The following MLLT3 variants were observed in gnomAD, a reference collection of about 807,000 sequenced individuals.
MLLT3 encodes protein AF-9.
A neutral mutation model predicts 53.2 loss-of-function variants in MLLT3; 4 were observed. The ratio of observed to expected loss-of-function variants is 0.08; its 90% confidence interval spans 0.04 to 0.17. MLLT3 has a LOEUF of 0.17. Among genes scored for constraint, MLLT3 ranks in the 10% least tolerant of loss-of-function variants. The pLI, the probability that MLLT3 is intolerant of heterozygous loss-of-function variation, is 1.00. For missense variants in MLLT3, 569 were observed against 684.0 expected, an observed-to-expected ratio of 0.83 and a Z score of 1.87; for synonymous variants, 283 against 230.6, an observed-to-expected ratio of 1.23 and a Z score of -2.06.
intron 2 of MLLT3, among the ~76,000 whole-genome samples, chr9:20,608,247 C>T (rs1229302960): frequency 6.6e-6 from 1 of 151,804 alleles, no homozygotes; most frequent in Non-Finnish European, 1.5e-5. Flanking sequence ...TATATCTAAG[C>T]AACATGATGA....
chr9:20,557,906 G>C (rs754112860), intron 2 of MLLT3, among the ~76,000 whole-genome samples: 1 of 152,144 alleles, frequency 6.6e-6, no homozygotes, highest in Non-Finnish European at 1.5e-5. Flanking sequence ...CTTGAATCAA[G>C]AGACAATACA....
intron 2 of MLLT3, among the ~76,000 whole-genome samples, chr9:20,562,849 T>A (rs1819250233): frequency 6.6e-6 from 1 of 152,296 alleles, no homozygotes; most frequent in East Asian, 1.9e-4. Context: ...ATACAGTAGT[T>A]AAGACTGGCT....
intron 10 of MLLT3, among the ~76,000 whole-genome samples, chr9:20,348,662 C>T (rs150646853): frequency 1.3e-5 from 2 of 152,288 alleles, no homozygotes; most frequent in Non-Finnish European, 2.9e-5. Flanking sequence ...CTGTTACATG[C>T]ATCAAGAAAT....
chr9:20,470,646 G>A (rs1045965042), intron 2 of MLLT3, among the ~76,000 whole-genome samples: 2 of 151,946 alleles, frequency 1.3e-5, no homozygotes, highest in Non-Finnish European at 2.9e-5. Context: ...AATGCTGGTA[G>A]ATAAATTCCA....
At chr9:20,501,720 C>T (rs1243195697) in intron 2 of MLLT3, among the ~76,000 whole-genome samples, 3 of 143,812 alleles carry the variant, frequency 2.1e-5, no homozygotes, top group African/African-American at 5.2e-5. Context: ...CACTGCAGTC[C>T]GCAGTCCGGC....
intron 2 of MLLT3, among the ~76,000 whole-genome samples, chr9:20,465,340 G>C (rs192970904): frequency 6.6e-6 from 1 of 152,184 alleles, no homozygotes; most frequent in East Asian, 1.9e-4. Context: ...TGAAATAGAT[G>C]GGTGTTGTTC....
intron 7 of MLLT3, among the ~76,000 whole-genome samples, chr9:20,362,446 G>A (rs1421856714): frequency 1.3e-5 from 2 of 152,082 alleles, no homozygotes; most frequent in East Asian, 3.8e-4. Context: ...TTCCCTATCA[G>A]TTTCCTTTTT....
intron 2 of MLLT3, among the ~76,000 whole-genome samples, chr9:20,574,850 A>G (rs1255314616): frequency 6.6e-6 from 1 of 152,242 alleles, no homozygotes; most frequent in Non-Finnish European, 1.5e-5. Context: ...TTACCACAGT[A>G]GAACTTCATT....
At chr9:20,541,783 G>C (rs1818637768) in intron 2 of MLLT3, among the ~76,000 whole-genome samples, 1 of 152,152 alleles carries the variant, frequency 6.6e-6, no homozygotes, top group East Asian at 1.9e-4. Context: ...ATCTGTTCAA[G>C]TTTTATCATG....
chr9:20,373,480 T>C (rs1821672264), intron 5 of MLLT3, among the ~76,000 whole-genome samples: 1 of 152,226 alleles, frequency 6.6e-6, no homozygotes, highest in Non-Finnish European at 1.5e-5. Context: ...CTGCATAAGC[T>C]GGCACTGATC....
intron 2 of MLLT3, among the ~76,000 whole-genome samples, chr9:20,494,002 T>C (rs12156508): frequency 0.22 from 32,884 of 152,036 alleles, 3,671 homozygotes; most frequent in Middle Eastern, 0.31. Context: ...CCATCTGAAA[T>C]GCAGATGAAA....
intron 2 of MLLT3, among the ~76,000 whole-genome samples, chr9:20,611,996 C>T (rs1247981311): frequency 6.6e-6 from 1 of 152,064 alleles, no homozygotes; most frequent in Non-Finnish European, 1.5e-5. Flanking sequence ...TTGATTTTGT[C>T]TGAAAGTAGC....
chr9:20,561,029 T>A (rs1467231187), intron 2 of MLLT3, among the ~76,000 whole-genome samples: 1 of 152,194 alleles, frequency 6.6e-6, no homozygotes, highest in Non-Finnish European at 1.5e-5. Context: ...TACTGTTAAA[T>A]GTTATAACTG....
chr9:20,508,379 T>G (rs374923598), intron 2 of MLLT3, among the ~76,000 whole-genome samples: 3 of 152,282 alleles, frequency 2.0e-5, no homozygotes, highest in African/African-American at 7.2e-5. Context: ...AAAAGGAGAA[T>G]GAAAGTGTTT....
chr9:20,582,282 G>A (rs577071020), intron 2 of MLLT3, among the ~76,000 whole-genome samples: 65 of 152,012 alleles, frequency 4.3e-4, no homozygotes, highest in Middle Eastern at 3.2e-3. Flanking sequence ...TCTGTTGTAC[G>A]GAAGTTCTAT....
intron 2 of MLLT3, among the ~76,000 whole-genome samples, chr9:20,571,515 C>T (rs1363691945): frequency 2.6e-5 from 4 of 152,180 alleles, no homozygotes; most frequent in Middle Eastern, 3.4e-3. Context: ...TAGGTATACA[C>T]GTGCCATGGT....
At chr9:20,431,015 A>G (rs925012065) in intron 4 of MLLT3, among the ~76,000 whole-genome samples, 32 of 152,122 alleles carry the variant, frequency 2.1e-4, no homozygotes, top group African/African-American at 7.7e-4. Context: ...ATAAGAGAAT[A>G]ATGATACAAC....
chr9:20,602,789 C>T (rs1404854326), intron 2 of MLLT3, among the ~76,000 whole-genome samples: 1 of 150,570 alleles, frequency 6.6e-6, no homozygotes, highest in Non-Finnish European at 1.5e-5. Flanking sequence ...CACACACACA[C>T]ACACACACAG....
At chr9:20,497,653 G>C (rs971084311) in intron 2 of MLLT3, among the ~76,000 whole-genome samples, 3 of 152,102 alleles carry the variant, frequency 2.0e-5, no homozygotes, top group African/African-American at 7.2e-5. Flanking sequence ...CTTTATTGCT[G>C]AGTAGTGTTT....
Sources: gnomAD v4.1 joint callset for allele counts (sites outside exome capture counted in the v4.1 genomes callset) on GRCh38, gnomAD v4.1.1 for gene constraint, MANE v1.5 for transcripts, NCBI Gene and HGNC (gene_info 2026-07-23, HGNC 2026-07-21) for gene names.